SFMBT2: variants seen among roughly 807,000 people sequenced by gnomAD.
The protein encoded by SFMBT2 is Scm like with four mbt domains 2.
SFMBT2 carries 38 observed loss-of-function variants against 110.1 expected under a neutral mutation model. That is an observed-to-expected ratio of 0.35 (90% CI 0.27 to 0.45). SFMBT2 has a LOEUF of 0.45. Among genes scored for constraint, SFMBT2 ranks in the 20% least tolerant of loss-of-function variants. The pLI is 1.00. For missense variants in SFMBT2, 1,011 were observed against 1,094.9 expected (o/e 0.92, Z 1.08); for synonymous variants, 425 against 425.4 (o/e 1.00, Z 0.01).
chr10:7,251,950 G>A (rs570719221), intron 7 of SFMBT2, among the ~76,000 whole-genome samples: 3 of 152,130 alleles, frequency 2.0e-5, no homozygotes, highest in South Asian at 2.1e-4. Context: ...TGACAGCCAC[G>A]GGGCTTCTGG....
intron 2 of SFMBT2, among the ~76,000 whole-genome samples, chr10:7,377,610 A>G (rs371080059): frequency 1.1e-4 from 16 of 152,272 alleles, no homozygotes; most frequent in Admixed American, 2.0e-4. Context: ...TTAGATTCTC[A>G]TAAGGACCGT....
intron 7 of SFMBT2, among the ~76,000 whole-genome samples, chr10:7,263,572 T>C (rs1588396246): frequency 6.6e-6 from 1 of 152,314 alleles, no homozygotes; most frequent in East Asian, 1.9e-4. Flanking sequence ...CATTTGGGGA[T>C]AACATGATGA....
intron 7 of SFMBT2, among the ~76,000 whole-genome samples, chr10:7,272,185 G>T (rs930057535): frequency 6.6e-6 from 1 of 152,122 alleles, no homozygotes; most frequent in African/African-American, 2.4e-5. Context: ...CTTTTCAACA[G>T]CAGTGCCAGG....
At position 7,301,160 on chromosome 10, in the gene SFMBT2, A is replaced by G. The variant is rs1330519370; in HGVS notation, c.437-15206T>C. Among the ~76,000 whole-genome samples the G allele has an allele frequency of 6.6e-6, 1 of 152,252 alleles. No individual in the cohort carries two copies. The highest frequency in any genetic ancestry group is 1.5e-5 in the Non-Finnish European group (1 of 68,038). On this transcript the variant is annotated intron_variant, in intron 4 of 20. Coordinates refer to ENST00000397167, the MANE Select transcript of SFMBT2 (RefSeq NM_001387889.1). The surrounding 1 kb of genome is among the most constrained non-coding windows in gnomAD (Gnocchi z 4.2). ...GTTGAGAACCATGCCTGCAACGAAC[A>G]GAAGTTCCTTCACTGAAAGTCTCGG...
chr10:7,354,630 T>G (rs1844439346), intron 4 of SFMBT2, among the ~76,000 whole-genome samples: 1 of 152,178 alleles, frequency 6.6e-6, no homozygotes, highest in Non-Finnish European at 1.5e-5. Context: ...AGACTTCTAG[T>G]TCACAGGGGC....
At chr10:7,183,240 C>A (rs1283986099) in intron 16 of SFMBT2, among the ~76,000 whole-genome samples, 1 of 152,188 alleles carries the variant, frequency 6.6e-6, no homozygotes, top group Admixed American at 6.5e-5. Context: ...GCTTTCATCT[C>A]AGTCCTCAGA....
At chr10:7,265,532 T>C (rs567286860) in intron 7 of SFMBT2, among the ~76,000 whole-genome samples, 3 of 152,142 alleles carry the variant, frequency 2.0e-5, no homozygotes, top group Admixed American at 6.5e-5. Context: ...CAATGAGGAA[T>C]TGAAATTAAT....
At chr10:7,387,777 G>GAA (rs34684925) in intron 1 of SFMBT2, among the ~76,000 whole-genome samples, 13 of 123,312 alleles carry the variant, frequency 1.1e-4, no homozygotes, top group East Asian at 2.4e-4. Context: ...TTAAAAATAG[G>GAA]AAAAAAAAAA....
chr10:7,347,227 T>C (rs1844145950), intron 4 of SFMBT2, among the ~76,000 whole-genome samples: 1 of 152,156 alleles, frequency 6.6e-6, no homozygotes. Flanking sequence ...GTTTTGCTAG[T>C]GGGAGGTGAG....
intron 11 of SFMBT2, among the ~76,000 whole-genome samples, chr10:7,216,466 G>A (rs980649390): frequency 6.6e-6 from 1 of 152,170 alleles, no homozygotes; most frequent in Non-Finnish European, 1.5e-5. Context: ...CGCCATGATT[G>A]TGAGGCCTAT....
chr10:7,285,083 T>C (rs1842049738), intron 5 of SFMBT2: 1 of 152,222 alleles, frequency 6.6e-6, no homozygotes, highest in Non-Finnish European at 1.5e-5. Context: ...TAAGAGAATA[T>C]GATACTGTCA....
chr10:7,225,312 C>T (rs771223534), intron 10 of SFMBT2, among the ~76,000 whole-genome samples: 1 of 152,188 alleles, frequency 6.6e-6, no homozygotes, highest in East Asian at 1.9e-4. Context: ...CCTTTCATAA[C>T]AGCCTCTGTT....
chr10:7,200,951 T>G (rs1366689467), intron 13 of SFMBT2: 9 of 659,746 alleles, frequency 1.4e-5, no homozygotes, highest in Non-Finnish European at 1.7e-5. Context: ...AATAAGGCCT[T>G]AAAAGAAAAT....
chr10:7,329,114 T>C (rs1264197383), intron 4 of SFMBT2, among the ~76,000 whole-genome samples: 5 of 152,212 alleles, frequency 3.3e-5, no homozygotes, highest in African/African-American at 2.4e-5. Flanking sequence ...CTGGGGTTAA[T>C]AAAATCCAAA....
intron 4 of SFMBT2, among the ~76,000 whole-genome samples, chr10:7,300,886 A>T (rs1842537975): frequency 6.6e-6 from 1 of 152,254 alleles, no homozygotes; most frequent in Non-Finnish European, 1.5e-5. Context: ...TTTGGAATTT[A>T]GCATTATACA....
At chr10:7,354,947 G>T (rs922531749) in intron 4 of SFMBT2, among the ~76,000 whole-genome samples, 2 of 152,194 alleles carry the variant, frequency 1.3e-5, no homozygotes, top group African/African-American at 4.8e-5. Flanking sequence ...AGATAAAGAC[G>T]TAAGTCATAA....
chr10:7,187,705 T>C (rs914821271), intron 16 of SFMBT2, among the ~76,000 whole-genome samples: 1 of 152,236 alleles, frequency 6.6e-6, no homozygotes, highest in Non-Finnish European at 1.5e-5. Flanking sequence ...AAGTTAACTA[T>C]AGAGGAAAAT....
At chr10:7,213,805 C>G (rs1223850475) in intron 11 of SFMBT2, among the ~76,000 whole-genome samples, 1 of 151,638 alleles carries the variant, frequency 6.6e-6, no homozygotes. Context: ...TGCGGGCACT[C>G]AGATCCGTGT....
Position 7,206,712 on chromosome 10 carries a change from C to T in SFMBT2, c.1331-784G>A, listed in dbSNP as rs75156922. The T allele has an allele frequency of 2.6e-3, 1,910 of 735,572 alleles. 30 individuals carry two copies. The African/African-American group carries it at 0.035, about 13-fold the overall frequency. 45.6% of individuals were successfully genotyped at this position (735,572 alleles called of 1,614,324 possible). A position where few individuals can be genotyped will look rare whatever the true frequency, so the allele number is the denominator to read the frequency against. On this transcript the variant is annotated intron_variant, in intron 11 of 20. Coordinates refer to ENST00000397167, the MANE Select transcript of SFMBT2 (RefSeq NM_001387889.1). ...TGAAACTCTGAAAAAGACAAGAAGA[C>T]TGGATTTAACAGCAGCAAAAGTTTC... is the stretch of plus-strand genomic sequence containing the variant.
Sources: allele counts gnomAD v4.1 joint callset (sites outside exome capture counted in the v4.1 genomes callset), GRCh38; gene constraint gnomAD v4.1.1; non-coding constraint Gnocchi (gnomAD v3.1); transcripts MANE v1.5; gene names NCBI Gene and HGNC (gene_info 2026-07-23, HGNC 2026-07-21).